Variants in CDHR3 observed in about 807,000 individuals in gnomAD.
The protein encoded by CDHR3 is cadherin-related family member 3.
CDHR3 carries 79 observed loss-of-function variants against 86.6 expected under a neutral mutation model. That is an observed-to-expected ratio of 0.91 (90% CI 0.76 to 1.10). CDHR3 has a LOEUF of 1.10. Among genes scored for constraint, CDHR3 ranks in the 50% least tolerant of loss-of-function variants. The pLI is 0.00. For missense variants in CDHR3, 1,081 were observed against 1,077.6 expected (o/e 1.00, Z -0.04); for synonymous variants, 421 against 402.4 (o/e 1.05, Z -0.55).
Position 106,034,831 on chromosome 7 carries a change from A to G in CDHR3, c.*2134A>G, listed in dbSNP as rs996676695. Among the ~76,000 whole-genome samples, 3 of 152,108 alleles carry G rather than the reference A, an allele frequency of 2.0e-5. No individual in the cohort carries two copies. Among genetic ancestry groups the G allele is most frequent in the African/African-American group, 7.2e-5 (3 of 41,422 alleles). On this transcript the variant is annotated 3_prime_UTR_variant, in exon 19 of 19. Coordinates refer to ENST00000317716, the MANE Select transcript of CDHR3 (RefSeq NM_152750.5). ...GGTGGCTCATGCCTGTAATCCCAGCACTCTGGGAGGCTGAGGCAGGTGGAT... is the reference window on the plus strand; with the variant it reads ...GGTGGCTCATGCCTGTAATCCCAGCGCTCTGGGAGGCTGAGGCAGGTGGAT...
At chr7:106,011,349 T>C (rs1563282773) in intron 8 of CDHR3, among the ~76,000 whole-genome samples, 1 of 151,980 alleles carries the variant, frequency 6.6e-6, no homozygotes, top group East Asian at 1.9e-4. Flanking sequence ...GCTTGAAAAA[T>C]GCATGTGCCT....
At position 105,995,837 on chromosome 7, in the gene CDHR3, T is replaced by C. The variant is rs73718736; in HGVS notation, c.609-413T>C. Among the ~76,000 whole-genome samples, 607 of 152,166 alleles carry C rather than the reference T, an allele frequency of 4.0e-3. 4 individuals carry two copies. Among genetic ancestry groups the C allele is most frequent in the African/African-American group, 0.014 (576 of 41,502 alleles). ...ATGAGGGGAAGTGGATGACAACACA[T>C]TGGCCTTGGGGTGAAGCAGGTGAGG... On this transcript the variant is annotated intron_variant, in intron 5 of 18. Coordinates refer to ENST00000317716, the MANE Select transcript of CDHR3 (RefSeq NM_152750.5).
intron 17 of CDHR3, among the ~76,000 whole-genome samples, chr7:106,029,548 G>GTCTCTC (rs59823993): frequency 1.8e-3 from 270 of 147,170 alleles, no homozygotes; most frequent in African/African-American, 5.6e-3. Context: ...CTCCACCTCT[G>GTCTCTC]TCTCTCTCTC....
In CDHR3 at chr7:106,004,571, C is replaced by T. The variant is rs1833670692; in HGVS notation, c.936C>T (p.Ser312=). The part of the protein sequence containing the change: ...AGELRQNPTI[S]LEVLVKDRPY... ...AATTGAGACAAAATCCCACCATTTC[C>T]CTGGAAGTTCTAGTGAAGGACAGAC... Residue 312 remains serine, a synonymous_variant, in exon 8 of 19, where the codon TCC becomes TCT. Transcript: ENST00000317716. 6.2e-7 allele frequency: 1 copy of T among 1,613,978 alleles called. No individual in the cohort carries two copies. The highest frequency in any genetic ancestry group is 2.2e-5 in the East Asian group (1 of 44,886).
chr7:105,980,625 T>TTTTTTTTTTAA (rs1829580056), intron 2 of CDHR3, among the ~76,000 whole-genome samples: 1 of 17,312 alleles, frequency 5.8e-5, no homozygotes, highest in Non-Finnish European at 1.4e-4. Flanking sequence ...TTTTTTTAAT[T>TTTTTTTTTTAA]TTTTTTTTTT....
At chr7:106,028,849 G>A (rs1053317018) in intron 17 of CDHR3, among the ~76,000 whole-genome samples, 1 of 152,210 alleles carries the variant, frequency 6.6e-6, no homozygotes, top group Non-Finnish European at 1.5e-5. Flanking sequence ...AGCTCTCCAC[G>A]AGAGTGAGTT....
chr7:105,974,265 A>G (rs1229502355), intron 1 of CDHR3, among the ~76,000 whole-genome samples: 1 of 152,252 alleles, frequency 6.6e-6, no homozygotes, highest in Non-Finnish European at 1.5e-5. Context: ...CTACCAACCA[A>G]GAGGTACTGC....
chr7:106,003,960 T>C (rs1452941348), intron 7 of CDHR3, among the ~76,000 whole-genome samples: 1 of 49,630 alleles, frequency 2.0e-5, no homozygotes, highest in South Asian at 6.1e-4. Context: ...TGGTTGCAGG[T>C]AACAGAAACT....
chr7:105,983,666 G>T (rs1174860743), intron 3 of CDHR3, among the ~76,000 whole-genome samples: 1 of 152,156 alleles, frequency 6.6e-6, no homozygotes, highest in African/African-American at 2.4e-5. Context: ...GATGAAATCA[G>T]TTTTTGGTTC....
intron 8 of CDHR3, among the ~76,000 whole-genome samples, chr7:106,008,319 C>T (rs1834256219): frequency 1.3e-5 from 2 of 152,132 alleles, no homozygotes; most frequent in South Asian, 4.1e-4. Context: ...GGGTGCATCC[C>T]TTCCCTGCCT....
intron 14 of CDHR3, 135 bp downstream of exon 14, chr7:106,022,583 C>A: frequency 7.6e-7 from 1 of 1,308,768 alleles, no homozygotes; most frequent in Non-Finnish European, 1.1e-6. Flanking sequence ...AAATGGCAAC[C>A]ATGGGCTGGA....
intron 6 of CDHR3, among the ~76,000 whole-genome samples, chr7:105,997,826 G>A (rs775967392): frequency 2.6e-5 from 4 of 152,158 alleles, no homozygotes; most frequent in Admixed American, 6.5e-5. Context: ...CATGACCCTC[G>A]CTGGCGTGGG....
intron 11 of CDHR3, 34 bp downstream of exon 11, chr7:106,016,059 G>A: frequency 7.2e-7 from 1 of 1,392,880 alleles, no homozygotes; most frequent in Non-Finnish European, 1.0e-6. Flanking sequence ...CCAGAGTGCT[G>A]TCAATGGACT....
rs1053123062 is a variant in CDHR3, at chr7:106,035,822, A to T, written c.*3125A>T. 1.3e-5 allele frequency: 2 copies of T among 152,178 alleles called. No homozygotes were observed. The highest frequency in any genetic ancestry group is 4.2e-4 in the South Asian group (2 of 4,816). 9.4% of individuals were successfully genotyped at this position (152,178 alleles called of 1,614,324 possible). On this transcript the variant is annotated 3_prime_UTR_variant, in exon 19 of 19. Coordinates refer to ENST00000317716, the MANE Select transcript of CDHR3 (RefSeq NM_152750.5). Reference sequence around the variant, plus strand: ...AATCAGAGGCTAAGGTGAAGTTACAACGTTGCAACGAAGACTCGGCTGGCA... The same window carrying T: ...AATCAGAGGCTAAGGTGAAGTTACATCGTTGCAACGAAGACTCGGCTGGCA...
At chr7:105,975,702 G>A (rs921408050) in intron 2 of CDHR3, among the ~76,000 whole-genome samples, 1 of 152,110 alleles carries the variant, frequency 6.6e-6, no homozygotes, top group African/African-American at 2.4e-5. Flanking sequence ...ACTGGTAACC[G>A]CAGAGGCCTT....
chr7:106,018,845 C>A (rs768856563), intron 12 of CDHR3, among the ~76,000 whole-genome samples: 1 of 152,070 alleles, frequency 6.6e-6, no homozygotes, highest in African/African-American at 2.4e-5. Context: ...TGCTTCCCAA[C>A]CTTTGAGGCT....
At chr7:105,984,954 G>A (rs1830304923) in intron 4 of CDHR3, among the ~76,000 whole-genome samples, 2 of 151,952 alleles carry the variant, frequency 1.3e-5, no homozygotes, top group South Asian at 4.2e-4. Flanking sequence ...AGCTACTCGG[G>A]AGGCTGAGGT....
At chr7:105,986,709 CTGTT>C (rs1830580523) in intron 4 of CDHR3, among the ~76,000 whole-genome samples, 1 of 152,110 alleles carries the variant, frequency 6.6e-6, no homozygotes, top group African/African-American at 2.4e-5. Flanking sequence ...TAGCAAGGCC[CTGTT>C]TGTTCAGATT....
intron 8 of CDHR3, among the ~76,000 whole-genome samples, chr7:106,009,246 G>T (rs1834396365): frequency 6.6e-6 from 1 of 152,160 alleles, no homozygotes; most frequent in Non-Finnish European, 1.5e-5. Context: ...TGAACGCCAA[G>T]ATGTGAGGAA....
Sources: gnomAD v4.1 joint callset for allele counts (sites outside exome capture counted in the v4.1 genomes callset) on GRCh38, gnomAD v4.1.1 for gene constraint, MANE v1.5 for transcripts, NCBI Gene and HGNC (gene_info 2026-07-23, HGNC 2026-07-21) for gene names.